DSCAML1: variants seen among roughly 807,000 people sequenced by gnomAD.
The protein encoded by DSCAML1 is cell adhesion molecule DSCAML1.
DSCAML1 carries 38 observed loss-of-function variants against 200.5 expected under a neutral mutation model. The observed-to-expected ratio is 0.19, with a 90% confidence interval of 0.15 to 0.25. DSCAML1 has a LOEUF of 0.25. Ranked by LOEUF, DSCAML1 falls within the 10% of genes least tolerant of loss-of-function variation. DSCAML1 has a pLI of 1.00. For synonymous variants in DSCAML1, 1,215 were observed against 1,165.0 expected (o/e 1.04, Z -0.87); for missense variants, 2,223 against 2,858.8 (o/e 0.78, Z 5.07).
chr11:117,608,157 A>G (rs2051611350), intron 3 of DSCAML1, among the ~76,000 whole-genome samples: 1 of 152,234 alleles, frequency 6.6e-6, no homozygotes, highest in Admixed American at 6.5e-5. Flanking sequence ...GGGTAAATCT[A>G]CGGGGGGATA....
At position 117,629,522 on chromosome 11, in the gene DSCAML1, G is replaced by A. The variant is rs544327378; in HGVS notation, c.512-97000C>T. Among the ~76,000 whole-genome samples the A allele has an allele frequency of 5.4e-5, 8 of 147,104 alleles. No individual in the cohort carries two copies. In the South Asian group the frequency reaches 1.7e-3, roughly 31 times the overall value. ...GCAGACAAGGGGGCCTGGACAGACT[G>A]GGCAGGGGTGATGAGAAATTACTAA... On this transcript the variant is annotated intron_variant, in intron 3 of 32. Transcript: ENST00000651296.
chr11:117,778,404 C>A (rs2134048773), intron 2 of DSCAML1, among the ~76,000 whole-genome samples: 1 of 152,262 alleles, frequency 6.6e-6, no homozygotes, highest in South Asian at 2.1e-4. Flanking sequence ...AGGGAGTCAG[C>A]AGAGGTTAAT....
At chr11:117,473,358 G>A (rs1387140261) in intron 14 of DSCAML1, among the ~76,000 whole-genome samples, 4 of 152,182 alleles carry the variant, frequency 2.6e-5, no homozygotes, top group African/African-American at 2.4e-5. Flanking sequence ...TTAGCCGGGC[G>A]TGGTGGTGGG....
At chr11:117,786,817 T>A (rs1173672140) in intron 1 of DSCAML1, among the ~76,000 whole-genome samples, 1 of 152,172 alleles carries the variant, frequency 6.6e-6, no homozygotes, top group Non-Finnish European at 1.5e-5. Flanking sequence ...TCCAGGAGTA[T>A]CTGCCAGCAC....
At chr11:117,474,450 C>T (rs938410128) in intron 14 of DSCAML1, among the ~76,000 whole-genome samples, 27 of 152,290 alleles carry the variant, frequency 1.8e-4, no homozygotes, top group African/African-American at 5.8e-4. Flanking sequence ...CATGCACTTT[C>T]CCCAACCATG....
upstream of DSCAML1, among the ~76,000 whole-genome samples, chr11:117,798,214 T>G (rs891820909): frequency 3.9e-5 from 6 of 152,272 alleles, no homozygotes; most frequent in African/African-American, 1.4e-4. Context: ...GGAAGCTGCT[T>G]TGAGTATGCC....
At chr11:117,442,063 C>T (rs1018577604) in intron 21 of DSCAML1, among the ~76,000 whole-genome samples, 18 of 150,800 alleles carry the variant, frequency 1.2e-4, no homozygotes, top group Admixed American at 3.3e-4. Flanking sequence ...TATGTGTGTG[C>T]GCAGATGCGT....
At chr11:117,634,455 C>T (rs7937652) in intron 3 of DSCAML1, among the ~76,000 whole-genome samples, 6,496 of 152,240 alleles carry the variant, frequency 0.043, 480 homozygotes, top group African/African-American at 0.14. Context: ...ACAGCCCTGC[C>T]GAAGGCCCGT....
chr11:117,769,686 C>T (rs1221327504), intron 3 of DSCAML1, among the ~76,000 whole-genome samples: 1 of 148,678 alleles, frequency 6.7e-6, no homozygotes, highest in Non-Finnish European at 1.5e-5. Context: ...GGCTCCACCA[C>T]CTACTAACTT....
intron 3 of DSCAML1, among the ~76,000 whole-genome samples, chr11:117,694,327 A>G (rs1268046292): frequency 6.6e-6 from 1 of 151,404 alleles, no homozygotes; most frequent in Middle Eastern, 3.2e-3. Context: ...AATTACCTGA[A>G]CCTGGGAGGC....
At chr11:117,564,660 T>G (rs1353385304) in intron 3 of DSCAML1, among the ~76,000 whole-genome samples, 2 of 151,954 alleles carry the variant, frequency 1.3e-5, no homozygotes, top group Non-Finnish European at 2.9e-5. Context: ...TCTTTCTTTT[T>G]CTTTCCTTCC....
At chr11:117,782,554 G>A (rs770525322) in intron 1 of DSCAML1, among the ~76,000 whole-genome samples, 16 of 152,332 alleles carry the variant, frequency 1.1e-4, no homozygotes, top group African/African-American at 3.6e-4. Flanking sequence ...ACCCTCAGAA[G>A]CTCTGGAAGC....
At position 117,505,189 on chromosome 11, in the gene DSCAML1, G is replaced by A; in HGVS notation, c.2063-146C>T. On this transcript the variant is annotated intron_variant, in intron 9 of 32. Coordinates refer to ENST00000651296, the MANE Select transcript of DSCAML1 (RefSeq NM_020693.4). This position sits in a 1 kb window ranked among gnomAD's most constrained non-coding sequence, Gnocchi z 6.7. Reference sequence around the variant, plus strand: ...CAGTTTCTGAAACCCAAGATGCTGAGAACTTTTGTTGAGTACTGGGTAGGG... The same window carrying A: ...CAGTTTCTGAAACCCAAGATGCTGAAAACTTTTGTTGAGTACTGGGTAGGG... 1 of 1,305,200 alleles carries A rather than the reference G, an allele frequency of 7.7e-7. No individual in the cohort carries two copies. Among genetic ancestry groups the A allele is most frequent in the Non-Finnish European group, 1.0e-6 (1 of 960,560 alleles). 80.9% of individuals were successfully genotyped at this position (1,305,200 alleles called of 1,614,324 possible).
At chr11:117,816,801 GGGGGT>G (rs2055812720) in intron 1 of DSCAML1, among the ~76,000 whole-genome samples, 1 of 109,178 alleles carries the variant, frequency 9.2e-6, no homozygotes, top group African/African-American at 3.0e-5. Context: ...GAATTGCTGG[GGGGGT>G]GGGGTGGAGA....
chr11:117,477,703 A>C (rs1441606752), intron 14 of DSCAML1, among the ~76,000 whole-genome samples: 1 of 152,180 alleles, frequency 6.6e-6, no homozygotes, highest in Admixed American at 6.5e-5. Context: ...CAATCCCATG[A>C]GGTAGGCATC....
chr11:117,744,881 G>C (rs1759796589), intron 3 of DSCAML1, among the ~76,000 whole-genome samples: 1 of 152,340 alleles, frequency 6.6e-6, no homozygotes, highest in Non-Finnish European at 1.5e-5. Flanking sequence ...ATGTACAGGG[G>C]CCCCAACCTT....
intron 3 of DSCAML1, among the ~76,000 whole-genome samples, chr11:117,710,252 G>A (rs2053824191): frequency 6.6e-6 from 1 of 152,216 alleles, no homozygotes; most frequent in African/African-American, 2.4e-5. Flanking sequence ...AATTAAAGCT[G>A]TAAATTGGGG....
chr11:117,442,032 A>G (rs906753225), intron 21 of DSCAML1, among the ~76,000 whole-genome samples: 11 of 143,732 alleles, frequency 7.7e-5, no homozygotes, highest in African/African-American at 2.2e-4. Context: ...GAGTGTGTGT[A>G]TGTGTGTGTG....
At chr11:117,814,394 A>C (rs1314475078) in intron 1 of DSCAML1, among the ~76,000 whole-genome samples, 3 of 152,138 alleles carry the variant, frequency 2.0e-5, no homozygotes, top group Non-Finnish European at 4.4e-5. Context: ...AAAGCCTGTG[A>C]CCTTAGCTGT....
Sources: gnomAD v4.1 joint callset for allele counts (sites outside exome capture counted in the v4.1 genomes callset) on GRCh38, gnomAD v4.1.1 for gene constraint, Gnocchi (gnomAD v3.1) non-coding constraint, MANE v1.5 for transcripts, NCBI Gene and HGNC (gene_info 2026-07-23, HGNC 2026-07-21) for gene names.